PARN: variants seen among roughly 807,000 people sequenced by gnomAD.
PARN encodes poly(A)-specific ribonuclease, also known as poly(A)-specific ribonuclease PARN.
Under a neutral mutation model 102.8 loss-of-function variants are expected in PARN, and 71 were observed. That is an observed-to-expected ratio of 0.69 (90% CI 0.57 to 0.84). The LOEUF is 0.84. Among genes scored for constraint, PARN ranks in the 40% least tolerant of loss-of-function variants. The probability of loss-of-function intolerance (pLI) is 0.00; values close to 1 mark genes in which losing one functional copy is unlikely to be tolerated. For synonymous variants in PARN, 261 were observed against 252.9 expected (o/e 1.03, Z -0.30); for missense variants, 782 against 760.9 (o/e 1.03, Z -0.33).
chr16:14,602,891 T>C (rs1171273743), intron 11 of PARN, among the ~76,000 whole-genome samples: 1 of 151,678 alleles, frequency 6.6e-6, no homozygotes, highest in Non-Finnish European at 1.5e-5. Context: ...TGAAGCCACA[T>C]CACAAAACAC....
intron 22 of PARN, among the ~76,000 whole-genome samples, chr16:14,478,330 A>C (rs560570332): frequency 2.9e-4 from 44 of 152,256 alleles, no homozygotes; most frequent in African/African-American, 9.6e-4. Flanking sequence ...AAAATAAATA[A>C]ATAAAAGACA....
chr16:14,493,996 CTG>C lies in PARN; in HGVS notation c.1481-11171_1481-11170del, dbSNP rs566124916. Among the ~76,000 whole-genome samples the C allele has an allele frequency of 4.3e-4, 66 of 152,340 alleles. 1 individual carries two copies. Among genetic ancestry groups the C allele is most frequent in the African/African-American group, 1.6e-3 (65 of 41,580 alleles). On this transcript the variant is annotated intron_variant, in intron 21 of 23. Coordinates refer to ENST00000437198, the MANE Select transcript of PARN (RefSeq NM_002582.4). ...CAAATACAGTTGACCCTCGAACAAT[CTG>C]TGTTTGAACTGCATGGGTCCGCCTA...
At chr16:14,511,073 CAA>C (rs1294082392) in intron 21 of PARN, among the ~76,000 whole-genome samples, 1 of 152,146 alleles carries the variant, frequency 6.6e-6, no homozygotes, top group Non-Finnish European at 1.5e-5. Flanking sequence ...AAAATCAGAT[CAA>C]AAGTTCTTAT....
intron 21 of PARN, among the ~76,000 whole-genome samples, chr16:14,530,125 C>T (rs1966241887): frequency 6.6e-6 from 1 of 152,136 alleles, no homozygotes; most frequent in Non-Finnish European, 1.5e-5. Context: ...CAAGGAGAGC[C>T]AAGCAAGGTG....
chr16:14,498,122 CA>C lies in PARN; in HGVS notation c.1481-15296del, dbSNP rs34124932. Among the ~76,000 whole-genome samples the C allele has an allele frequency of 9.7e-3, 434 of 44,918 alleles. 1 individual carries two copies. Among genetic ancestry groups the C allele is most frequent in the African/African-American group, 0.028 (309 of 11,220 alleles). The allele number at this position is 44,918 out of a possible 152,430, so 29.5% of individuals were successfully genotyped here. On this transcript the variant is annotated intron_variant, in intron 21 of 23. Coordinates refer to ENST00000437198, the MANE Select transcript of PARN (RefSeq NM_002582.4). The stretch of plus-strand genomic sequence containing the variant: ...CTGGCAATAGAGAGAGACTCCATCT[CA>C]AAAAAAAAAAAAAAAAAAAAGAATT...
intron 18 of PARN, among the ~76,000 whole-genome samples, 195 bp from the exon 19 acceptor site, chr16:14,555,904 C>T (rs1864686152): frequency 6.6e-6 from 1 of 151,862 alleles, no homozygotes; most frequent in Non-Finnish European, 1.5e-5. Flanking sequence ...TTCACTCTGC[C>T]GCCCAGGCTG....
At chr16:14,568,776 T>C (rs1015992283) in intron 18 of PARN, among the ~76,000 whole-genome samples, 1 of 151,602 alleles carries the variant, frequency 6.6e-6, no homozygotes, top group Non-Finnish European at 1.5e-5. Context: ...GCGCCTGTAG[T>C]CCCAGCTACT....
intron 21 of PARN, among the ~76,000 whole-genome samples, chr16:14,527,058 A>T (rs549459380): frequency 6.6e-6 from 1 of 152,370 alleles, no homozygotes; most frequent in East Asian, 1.9e-4. Flanking sequence ...TTGTTAAATA[A>T]AATGTATAGA....
chr16:14,471,894 C>T (rs1265186796), intron 22 of PARN, among the ~76,000 whole-genome samples: 1 of 152,198 alleles, frequency 6.6e-6, no homozygotes, highest in African/African-American at 2.4e-5. Flanking sequence ...CAAATTGAAG[C>T]ATGTATTAGA....
At chr16:14,465,923 T>C (rs1339668979) in intron 22 of PARN, among the ~76,000 whole-genome samples, 1 of 152,162 alleles carries the variant, frequency 6.6e-6, no homozygotes, top group African/African-American at 2.4e-5. Flanking sequence ...TACTGCATGT[T>C]CTCACTTATA....
intron 21 of PARN, among the ~76,000 whole-genome samples, chr16:14,507,531 T>C (rs901808378): frequency 2.7e-5 from 4 of 149,960 alleles, no homozygotes; most frequent in African/African-American, 9.8e-5. Context: ...ACCGTCTCTA[T>C]TAAAAATACA....
chr16:14,589,782 G>C (rs961848421), intron 13 of PARN, among the ~76,000 whole-genome samples: 1 of 149,738 alleles, frequency 6.7e-6, no homozygotes, highest in Non-Finnish European at 1.5e-5. Context: ...CAGAAGAATC[G>C]CTTGAACCCA....
chr16:14,469,006 TA>T (rs901774641), intron 22 of PARN, among the ~76,000 whole-genome samples: 11 of 149,308 alleles, frequency 7.4e-5, no homozygotes, highest in Admixed American at 6.6e-4. Flanking sequence ...AAAAACGACC[TA>T]AAAAAACGGG....
chr16:14,580,954 A>G lies in PARN; in HGVS notation c.1193-11T>C. 1 of 1,573,996 alleles carries G rather than the reference A, an allele frequency of 6.4e-7. No homozygotes were observed. The highest frequency in any genetic ancestry group is 8.7e-7 in the Non-Finnish European group (1 of 1,143,808). ...GGCTGAGAAAAGAACCTAATGAAGA[A>G]AAGAAGAGAGGTATTATTATTCATA... On this transcript the variant is annotated splice_polypyrimidine_tract_variant and intron_variant, in intron 17 of 23. Coordinates refer to ENST00000437198, the MANE Select transcript of PARN (RefSeq NM_002582.4).
intron 22 of PARN, among the ~76,000 whole-genome samples, chr16:14,460,042 A>G (rs1961879034): frequency 6.6e-6 from 1 of 152,250 alleles, no homozygotes; most frequent in Non-Finnish European, 1.5e-5. Flanking sequence ...CTGCTAAAAA[A>G]CATGAGAAAA....
chr16:14,462,620 T>G (rs926449148), intron 22 of PARN, among the ~76,000 whole-genome samples: 3 of 149,256 alleles, frequency 2.0e-5, no homozygotes, highest in African/African-American at 7.4e-5. Flanking sequence ...TCTCGAAAAT[T>G]CCAGAAAGGC....
chr16:14,531,568 A>G (rs551041868), intron 21 of PARN, among the ~76,000 whole-genome samples: 4 of 152,286 alleles, frequency 2.6e-5, no homozygotes, highest in African/African-American at 9.6e-5. Flanking sequence ...GCCTCTTAGA[A>G]AAGGCTGTGA....
chr16:14,465,429 A>C (rs939600352), intron 22 of PARN, among the ~76,000 whole-genome samples: 1 of 152,192 alleles, frequency 6.6e-6, no homozygotes. Context: ...CCGACTAAAT[A>C]AGAAATATAA....
chr16:14,618,608 C>CCGAGAGAGCCACTGCACTCCAGCCCAGG (rs1972083888), intron 5 of PARN, among the ~76,000 whole-genome samples: 27 of 150,412 alleles, frequency 1.8e-4, no homozygotes, highest in Admixed American at 1.1e-3. Context: ...TTGCAGTGAG[C>CCGAGAGAGCCACTGCACTCCAGCCCAGG]CGAGAGAGCC....
Sources: gnomAD v4.1 joint callset for allele counts (sites outside exome capture counted in the v4.1 genomes callset) on GRCh38, gnomAD v4.1.1 for gene constraint, MANE v1.5 for transcripts, NCBI Gene and HGNC (gene_info 2026-07-23, HGNC 2026-07-21) for gene names.